The following CEP20 variants were observed in gnomAD, a reference collection of about 807,000 sequenced individuals.
CEP20 encodes the protein FGFR1OP N-terminal like.
In CEP20, 18 loss-of-function variants were observed where a neutral mutation model predicts 20.0. That is an observed-to-expected ratio of 0.90 (90% CI 0.62 to 1.34). The LOEUF (loss-of-function observed/expected upper bound fraction) is 1.34. Among genes scored for constraint, CEP20 ranks in the 40% most tolerant of loss-of-function variants. The probability of loss-of-function intolerance (pLI) is 0.00; values close to 1 mark genes in which losing one functional copy is unlikely to be tolerated. For missense variants in CEP20, 215 were observed against 201.6 expected (o/e 1.07, Z -0.40); for synonymous variants, 77 against 73.7 (o/e 1.04, Z -0.23).
chr16:15,875,134 C>T (rs1348269463), intron 3 of CEP20, among the ~76,000 whole-genome samples: 6 of 152,124 alleles, frequency 3.9e-5, no homozygotes, highest in African/African-American at 1.2e-4. Flanking sequence ...TCTAAGCTAC[C>T]AAATTCTGGA....
chr16:15,882,765 ATC>A (rs2045132563), intron 2 of CEP20, among the ~76,000 whole-genome samples: 1 of 105,790 alleles, frequency 9.5e-6, no homozygotes, highest in South Asian at 3.4e-4. Flanking sequence ...CTATCTATCT[ATC>A]TATCTATCTA....
intron 4 of CEP20, among the ~76,000 whole-genome samples, 194 bp from the exon 5 acceptor site, chr16:15,867,710 C>T (rs181569902): frequency 6.6e-5 from 10 of 152,278 alleles, no homozygotes; most frequent in East Asian, 3.9e-4. Context: ...TGGTGGCTCA[C>T]GCCTGTAATC....
chr16:15,868,622 G>T (rs138071387), intron 4 of CEP20, among the ~76,000 whole-genome samples: 3 of 152,162 alleles, frequency 2.0e-5, no homozygotes, highest in African/African-American at 4.8e-5. Context: ...TTTTATCACT[G>T]GGTTTTCTAA....
chr16:15,871,361 AGG>A (rs1269497208), intron 4 of CEP20, among the ~76,000 whole-genome samples: 2 of 149,590 alleles, frequency 1.3e-5, no homozygotes, highest in Non-Finnish European at 3.0e-5. Context: ...TTCTATAAAA[AGG>A]GAGAAGAATT....
At chr16:15,885,310 A>C (rs1391339987) in intron 1 of CEP20, among the ~76,000 whole-genome samples, 1 of 150,992 alleles carries the variant, frequency 6.6e-6, no homozygotes, top group Non-Finnish European at 1.5e-5. Context: ...TCTGTTTAAA[A>C]CAACCAACCA....
At chr16:15,887,923 C>G (rs62031728) in intron 1 of CEP20, among the ~76,000 whole-genome samples, 26,826 of 151,326 alleles carry the variant, frequency 0.18, 2,281 homozygotes, top group East Asian at 0.22. Flanking sequence ...ACAAAAAATA[C>G]AAAAATTAGC....
intron 1 of CEP20, among the ~76,000 whole-genome samples, chr16:15,887,355 A>G (rs918373369): frequency 2.6e-4 from 40 of 152,334 alleles, no homozygotes; most frequent in African/African-American, 8.9e-4. Flanking sequence ...CCAAATACAC[A>G]CTTTTATACA....
At chr16:15,877,829 CAG>C (rs142462423) in intron 3 of CEP20, among the ~76,000 whole-genome samples, 10,473 of 151,752 alleles carry the variant, frequency 0.069, 471 homozygotes, top group East Asian at 0.21. Context: ...TGGAGGTGGG[CAG>C]ATCACTTGAG....
In CEP20 at chr16:15,879,314, T is replaced by C. The variant is rs796759319; in HGVS notation, c.311+490A>G. ...ATCTGAGTACATTCCTAAGTTGGAG[T>C]GAAGGAAGAGTTAAATATGAAGAAA... On this transcript the variant is annotated intron_variant, in intron 3 of 4. Transcript: ENST00000255759. 7.3e-5 allele frequency among the ~76,000 whole-genome samples: 11 copies of C among 151,458 alleles called. 1 individual carries two copies. Among genetic ancestry groups the C allele is most frequent in the African/African-American group, 2.7e-4 (11 of 41,276 alleles).
Position 15,865,960 on chromosome 16 carries a change from T to C in CEP20, c.*1480A>G, listed in dbSNP as rs575506753. The C allele has an allele frequency of 6.6e-6, 1 of 152,328 alleles. No homozygotes were observed. Among genetic ancestry groups the C allele is most frequent in the South Asian group, 2.1e-4 (1 of 4,830 alleles). The allele number at this position is 152,328 out of a possible 1,614,324, so 9.4% of individuals were successfully genotyped here. The stretch of plus-strand genomic sequence containing the variant: ...ACTAAGTGTCCACTGCCAACATCCT[T>C]GGACGAAAACCAAGTCCCCCGGGAG... On this transcript the variant is annotated 3_prime_UTR_variant, in exon 5 of 5. Transcript: ENST00000255759.
In CEP20 at chr16:15,873,495, T is replaced by C. The variant is rs1385453813; in HGVS notation, c.444A>G (p.Pro148=). ...SLGRQPSRRK[P]MDDHLRKEEQ... is the part of the protein sequence containing the mutation. ...TGAATCTTGGAAAACTCATACCCAT[T>C]GGCTTTCTTCTACTAGGTTGTCTGC... The change falls in exon 4 of 5, where the codon CCA becomes CCG. Residue 148 remains proline (P), a synonymous_variant. Coordinates refer to ENST00000255759, the MANE Select transcript of CEP20 (RefSeq NM_144600.4). The C allele has an allele frequency of 6.2e-7, 1 of 1,611,870 alleles. No homozygotes were observed. Among genetic ancestry groups the C allele is most frequent in the Non-Finnish European group, 8.5e-7 (1 of 1,179,440 alleles).
intron 4 of CEP20, among the ~76,000 whole-genome samples, chr16:15,868,314 T>C (rs1210837562): frequency 1.3e-5 from 2 of 151,908 alleles, no homozygotes; most frequent in African/African-American, 4.8e-5. Flanking sequence ...TCCCAGCTAC[T>C]TGGGAGGCTG....
intron 4 of CEP20, among the ~76,000 whole-genome samples, chr16:15,870,881 G>GT (rs2044798658): frequency 6.6e-6 from 1 of 152,054 alleles, no homozygotes; most frequent in East Asian, 1.9e-4. Context: ...AGATCTACAC[G>GT]TATCAACAAG....
chr16:15,879,228 C>G (rs2045040248), intron 3 of CEP20, among the ~76,000 whole-genome samples: 1 of 151,986 alleles, frequency 6.6e-6, no homozygotes, highest in African/African-American at 2.4e-5. Flanking sequence ...CGAGCAGAAG[C>G]TTGGGGTTGG....
chr16:15,873,552 C>T lies in CEP20; in HGVS notation c.387G>A (p.Gly129=), dbSNP rs2044872629. The T allele has an allele frequency of 6.2e-7, 1 of 1,614,024 alleles. No homozygotes were observed. The highest frequency in any genetic ancestry group is 8.5e-7 in the Non-Finnish European group (1 of 1,179,958). The change falls in exon 4 of 5, where the codon GGG becomes GGA. Residue 129 remains glycine, a synonymous_variant. Transcript: ENST00000255759. ...TTGGGTCTGAAGGCTGAAGTGAAGGCCCTTTCAGAAATGCATTCTGGATGC... is the reference window on the plus strand; with the variant it reads ...TTGGGTCTGAAGGCTGAAGTGAAGGTCCTTTCAGAAATGCATTCTGGATGC... ...KDGIQNAFLK[G]PSLQPSDPSL...
rs201495093 is a variant in CEP20, at chr16:15,884,194, T to C, written c.40A>G (p.Thr14Ala). Residue 14 changes from threonine (T) to alanine (A), a missense_variant, in exon 2 of 5, where the codon ACC (threonine) becomes GCC (alanine). Coordinates refer to ENST00000255759, the MANE Select transcript of CEP20 (RefSeq NM_144600.4). ...VAELKAVLKD[T>A]LEKKGVLGHL... ...CCTAATACCCCCTTTTTTTCCAAGG[T>C]GTCCTTTAAAACTGTTCGATATAAA... The C allele has an allele frequency of 1.2e-6, 2 of 1,610,732 alleles. No homozygotes were observed. Among genetic ancestry groups the C allele is most frequent in the Non-Finnish European group, 1.7e-6 (2 of 1,177,396 alleles).
intron 3 of CEP20, among the ~76,000 whole-genome samples, chr16:15,875,534 C>G (rs1025578666): frequency 6.6e-6 from 1 of 152,004 alleles, no homozygotes; most frequent in African/African-American, 2.4e-5. Context: ...ACCTGTGGTC[C>G]CAGCTACTTG....
At chr16:15,882,734 T>TCTAC (rs1555465383) in intron 2 of CEP20, among the ~76,000 whole-genome samples, 1 of 17,308 alleles carries the variant, frequency 5.8e-5, no homozygotes, top group African/African-American at 1.3e-4. Flanking sequence ...CTCCATTATA[T>TCTAC]CTATCTATCT....
At chr16:15,880,942 G>A (rs1021380069) in intron 2 of CEP20, among the ~76,000 whole-genome samples, 1 of 151,706 alleles carries the variant, frequency 6.6e-6, no homozygotes, top group African/African-American at 2.4e-5. Flanking sequence ...CTAGTTGCAG[G>A]AAAACAGGCT....
Sources: gnomAD v4.1 joint callset for allele counts (sites outside exome capture counted in the v4.1 genomes callset) on GRCh38, gnomAD v4.1.1 for gene constraint, MANE v1.5 for transcripts, NCBI Gene and HGNC (gene_info 2026-07-23, HGNC 2026-07-21) for gene names.